The following MARCHF4 variants were observed in gnomAD, a reference collection of about 807,000 sequenced individuals.
The protein encoded by MARCHF4 is E3 ubiquitin-protein ligase MARCHF4.
A neutral mutation model predicts 43.9 loss-of-function variants in MARCHF4; 14 were observed. That is an observed-to-expected ratio of 0.32 (90% CI 0.21 to 0.50). The LOEUF (loss-of-function observed/expected upper bound fraction) is 0.50, where lower values mean the gene tolerates loss of function less well. Among genes scored for constraint, MARCHF4 ranks in the 20% least tolerant of loss-of-function variants. The pLI is 0.98. For synonymous variants in MARCHF4, 226 were observed against 213.3 expected, an observed-to-expected ratio of 1.06 and a Z score of -0.52; for missense variants, 468 against 536.7, an observed-to-expected ratio of 0.87 and a Z score of 1.27.
intron 3 of MARCHF4, among the ~76,000 whole-genome samples, chr2:216,261,305 G>A (rs1018269036): frequency 2.1e-4 from 32 of 152,076 alleles, no homozygotes; most frequent in African/African-American, 7.7e-4. Flanking sequence ...CCTTTTTTCA[G>A]CTTCTAGAAA....
intron 1 of MARCHF4, among the ~76,000 whole-genome samples, chr2:216,308,626 T>TA: frequency 6.6e-6 from 1 of 152,226 alleles, no homozygotes; most frequent in Non-Finnish European, 1.5e-5. Context: ...CTCTGAGTTG[T>TA]GATCCTTCCA....
In MARCHF4 at chr2:216,367,943, AG is replaced by A. The variant is rs538902956; in HGVS notation, c.516+1801del. ...CTCCCAACACACCTCTGAGGAAAGG[AG>A]GGGGGGGCATGAAAAGGTGTCTCCA... is the stretch of plus-strand genomic sequence containing the variant. On this transcript the variant is annotated intron_variant, in intron 1 of 3. Transcript: ENST00000273067. Among the ~76,000 whole-genome samples the A allele has an allele frequency of 8.1e-3, 1,230 of 151,758 alleles. 14 individuals are homozygous for A. The highest frequency in any genetic ancestry group is 0.026 in the African/African-American group (1,092 of 41,304).
intron 1 of MARCHF4, among the ~76,000 whole-genome samples, chr2:216,330,377 C>T (rs1559101227): frequency 6.6e-6 from 1 of 151,890 alleles, no homozygotes; most frequent in Non-Finnish European, 1.5e-5. Context: ...CAAAGATGAA[C>T]AGAACTAAAG....
Position 216,259,613 on chromosome 2 carries a change from T to A in MARCHF4, c.932A>T (p.Gln311Leu). The A allele has an allele frequency of 6.2e-7, 1 of 1,614,240 alleles. No individual in the cohort carries two copies. The highest frequency in any genetic ancestry group is 1.1e-5 in the South Asian group (1 of 91,080). ...CTTGTCATAGTTCAGCACTTTCCAC[T>A]GCTGGTTGACAGCCTGCCACCGTTT... ...IFKRWQAVNQ[Q>L]WKVLNYDKTK... Residue 311 changes from glutamine (Q) to leucine (L), a missense_variant, in exon 4 of 4, where the codon CAG becomes CTG. This residue lies in a region of MARCHF4 where 120 missense variants were observed against 127.1 expected (regional missense o/e 0.94). Transcript: ENST00000273067.
chr2:216,270,286 G>A (rs1690915118), intron 3 of MARCHF4, among the ~76,000 whole-genome samples: 1 of 152,072 alleles, frequency 6.6e-6, no homozygotes, highest in Non-Finnish European at 1.5e-5. Flanking sequence ...ATGTTGCCTA[G>A]GCTGGTCTTG....
chr2:216,342,808 G>A (rs73066480), intron 1 of MARCHF4, among the ~76,000 whole-genome samples: 15,225 of 152,176 alleles, frequency 0.1, 2,543 homozygotes, highest in African/African-American at 0.35. Context: ...CTCCCTTCCA[G>A]GATGCCTGCT....
chr2:216,312,458 C>T, intron 1 of MARCHF4, among the ~76,000 whole-genome samples: 1 of 152,042 alleles, frequency 6.6e-6, no homozygotes. Context: ...GATTTCTTTT[C>T]CTTTGGGTAG....
intron 1 of MARCHF4, among the ~76,000 whole-genome samples, chr2:216,336,131 C>CA (rs775423967): frequency 2.1e-5 from 3 of 145,094 alleles, no homozygotes; most frequent in Non-Finnish European, 3.0e-5. Context: ...GTTATTAATC[C>CA]AAAAAATGCT....
chr2:216,331,692 C>T (rs898202797), intron 1 of MARCHF4, among the ~76,000 whole-genome samples: 2 of 152,164 alleles, frequency 1.3e-5, no homozygotes, highest in African/African-American at 2.4e-5. Context: ...AACCGATCAA[C>T]GTAGTTCATG....
chr2:216,281,250 A>G (rs1460471821), intron 2 of MARCHF4, among the ~76,000 whole-genome samples: 1 of 151,836 alleles, frequency 6.6e-6, no homozygotes, highest in African/African-American at 2.4e-5. Flanking sequence ...TTTTGTAGAG[A>G]CAGGGTCTCA....
intron 1 of MARCHF4, among the ~76,000 whole-genome samples, chr2:216,358,741 T>C (rs1312340268): frequency 3.3e-5 from 5 of 152,214 alleles, no homozygotes; most frequent in East Asian, 1.9e-4. Flanking sequence ...GCCTTCATCT[T>C]TTTGACAGTA....
At chr2:216,360,528 T>C (rs1559107762) in intron 1 of MARCHF4, among the ~76,000 whole-genome samples, 7 of 151,568 alleles carry the variant, frequency 4.6e-5, no homozygotes, top group African/African-American at 1.7e-4. Context: ...CTGAAAAGGC[T>C]ACACACTGTA....
intron 3 of MARCHF4, among the ~76,000 whole-genome samples, chr2:216,263,527 G>C (rs1458434332): frequency 1.3e-5 from 2 of 150,980 alleles, no homozygotes; most frequent in Non-Finnish European, 3.0e-5. Context: ...GAGAGAGAGA[G>C]AGAGAGAGAG....
rs1574491447 is a variant in MARCHF4, at chr2:216,372,081, A to T, written c.-1821T>A. On this transcript the variant is annotated 5_prime_UTR_variant, in exon 1 of 4. Transcript: ENST00000273067. ...TCCTCGCGACTCCCCAAAACCGTATATAAATATATCTCTTATAAAAGCCGA... is the reference window on the plus strand; with the variant it reads ...TCCTCGCGACTCCCCAAAACCGTATTTAAATATATCTCTTATAAAAGCCGA... 1 of 152,364 alleles carries T rather than the reference A, an allele frequency of 6.6e-6. No individual in the cohort carries two copies. Among genetic ancestry groups the T allele is most frequent in the East Asian group, 1.9e-4 (1 of 5,182 alleles). The allele number at this position is 152,364 out of a possible 1,614,324, so 9.4% of individuals were successfully genotyped here.
At chr2:216,351,794 A>C (rs980264763) in intron 1 of MARCHF4, among the ~76,000 whole-genome samples, 3 of 152,342 alleles carry the variant, frequency 2.0e-5, no homozygotes, top group South Asian at 2.1e-4. Context: ...TCCCTTTCTC[A>C]AAGTGCATTA....
intron 1 of MARCHF4, among the ~76,000 whole-genome samples, chr2:216,341,145 C>T (rs900770214): frequency 6.6e-6 from 1 of 152,202 alleles, no homozygotes; most frequent in African/African-American, 2.4e-5. Context: ...GAATCATTTC[C>T]ATTAGTTTAT....
rs565167024 is a variant in MARCHF4 at position 216,275,757 on chromosome 2, T to C, written c.865+1915A>G. Among the ~76,000 whole-genome samples, 8 of 152,304 alleles carry C rather than the reference T, an allele frequency of 5.3e-5. No homozygotes were observed. In the South Asian group the frequency reaches 1.5e-3, roughly 28 times the overall value. Reference sequence around the variant, plus strand: ...CTTATTTCCCTGCTCTGTTACCCTATTGATGTTGAGCTTACTGACTACTTG... The same window carrying C: ...CTTATTTCCCTGCTCTGTTACCCTACTGATGTTGAGCTTACTGACTACTTG... On this transcript the variant is annotated intron_variant, in intron 3 of 3. Coordinates refer to ENST00000273067, the MANE Select transcript of MARCHF4 (RefSeq NM_020814.3).
chr2:216,277,561 G>T, intron 3 of MARCHF4, 111 bp downstream of exon 3: 1 of 1,171,068 alleles, frequency 8.5e-7, no homozygotes, highest in Non-Finnish European at 1.2e-6. Context: ...CAGTTCTCAA[G>T]CCTGGGGCCA....
chr2:216,370,356 TGG>T lies in MARCHF4; in HGVS notation c.-98_-97del. 9.8e-7 allele frequency: 1 copy of T among 1,022,716 alleles called. No homozygotes were observed. Among genetic ancestry groups the T allele is most frequent in the Non-Finnish European group, 1.4e-6 (1 of 739,670 alleles). 63.4% of individuals were successfully genotyped at this position (1,022,716 alleles called of 1,614,324 possible). On this transcript the variant is annotated 5_prime_UTR_variant, in exon 1 of 4. Transcript: ENST00000273067. ...GGGGGTCCACAGTGGATCTGTGTTG[TGG>T]GGGGAGTCTGCTTTCTCACTGGCTT... is the stretch of plus-strand genomic sequence containing the variant.
Sources: allele counts gnomAD v4.1 joint callset (sites outside exome capture counted in the v4.1 genomes callset), GRCh38; gene constraint gnomAD v4.1.1; regional missense constraint gnomAD v4.1.1; transcripts MANE v1.5; gene names NCBI Gene and HGNC (gene_info 2026-07-23, HGNC 2026-07-21).